The following LRRC31 variants were observed in gnomAD, a reference collection of about 807,000 sequenced individuals.
The protein encoded by LRRC31 is leucine rich repeat containing 31, also known as leucine-rich repeat-containing protein 31.
In LRRC31, 35 loss-of-function variants were observed where a neutral mutation model predicts 46.7. The observed-to-expected ratio is 0.75, with a 90% CI of 0.57 to 0.99. The LOEUF (loss-of-function observed/expected upper bound fraction) is 0.99. Ranked by LOEUF, LRRC31 falls within the 50% of genes least tolerant of loss-of-function variation. The probability of loss-of-function intolerance (pLI) is 0.00; values close to 1 mark genes in which losing one functional copy is unlikely to be tolerated. For missense variants in LRRC31, 613 were observed against 626.1 expected (o/e 0.98, Z 0.22); for synonymous variants, 236 against 235.1 (o/e 1.00, Z -0.03).
At chr3:169,864,346 C>T (rs779318870) in intron 1 of LRRC31, among the ~76,000 whole-genome samples, 6 of 152,164 alleles carry the variant, frequency 3.9e-5, no homozygotes, top group African/African-American at 9.7e-5. Flanking sequence ...AACTGACAGA[C>T]GCAGAAATCT....
intron 8 of LRRC31, among the ~76,000 whole-genome samples, chr3:169,842,260 T>C (rs1194921301): frequency 6.6e-6 from 1 of 152,174 alleles, no homozygotes; most frequent in African/African-American, 2.4e-5. Flanking sequence ...TATAAGCTAG[T>C]GATTAACAAA....
chr3:169,841,049 G>A (rs893581809), intron 8 of LRRC31, among the ~76,000 whole-genome samples: 1 of 152,194 alleles, frequency 6.6e-6, no homozygotes, highest in East Asian at 1.9e-4. Context: ...AGGGATCTTG[G>A]AAGTCTCCTT....
intron 8 of LRRC31, among the ~76,000 whole-genome samples, chr3:169,845,213 G>A (rs12696310): frequency 0.046 from 7,030 of 152,062 alleles, 402 homozygotes; most frequent in African/African-American, 0.13. Context: ...AGAAATCAAA[G>A]AGTACTTAAA....
At chr3:169,840,638 G>C (rs941981144) in intron 8 of LRRC31, among the ~76,000 whole-genome samples, 1 of 152,066 alleles carries the variant, frequency 6.6e-6, no homozygotes. Flanking sequence ...TGGCTCATTG[G>C]CTTTAACTAA....
Position 169,851,689 on chromosome 3 carries a change from T to C in LRRC31, c.1089A>G (p.Arg363=). 1 of 1,614,112 alleles carries C rather than the reference T, an allele frequency of 6.2e-7. No homozygotes were observed. The highest frequency in any genetic ancestry group is 1.1e-5 in the South Asian group (1 of 91,084). The change falls in exon 7 of 9, where the codon CGA becomes CGG. Residue 363 remains arginine (R), a synonymous_variant. Coordinates refer to ENST00000316428, the MANE Select transcript of LRRC31 (RefSeq NM_024727.4). ...SSSENLLSRL[R]FLPALKSLVI... is the part of the protein sequence containing the mutation. Reference sequence around the variant, plus strand: ...CTAATGACTTCAATGCTGGTAAAAATCGGAGCCTGCTGAGTAAGTTTTCAG... The same window carrying C: ...CTAATGACTTCAATGCTGGTAAAAACCGGAGCCTGCTGAGTAAGTTTTCAG...
chr3:169,868,608 T>C (rs377388710), intron 1 of LRRC31, among the ~76,000 whole-genome samples: 2 of 152,274 alleles, frequency 1.3e-5, no homozygotes, highest in East Asian at 1.9e-4. Context: ...CATAAATGCA[T>C]GCATATGAAA....
chr3:169,869,238 G>A (rs1452528977), intron 1 of LRRC31, among the ~76,000 whole-genome samples: 1 of 151,832 alleles, frequency 6.6e-6, no homozygotes, highest in Non-Finnish European at 1.5e-5. Context: ...GGGCATGGTG[G>A]TGCGCATCTG....
chr3:169,859,313 G>T (rs1011606296), intron 3 of LRRC31, among the ~76,000 whole-genome samples: 1 of 150,864 alleles, frequency 6.6e-6, no homozygotes, highest in South Asian at 2.1e-4. Flanking sequence ...AAAAGGCCGG[G>T]GGGGCGGGTA....
In LRRC31 at chr3:169,856,349, A is replaced by G; in HGVS notation, c.810T>C (p.Ser270=). The G allele has an allele frequency of 6.4e-7, 1 of 1,569,234 alleles. No individual in the cohort carries two copies. The highest frequency in any genetic ancestry group is 8.6e-7 in the Non-Finnish European group (1 of 1,157,978). The change falls in exon 5 of 9, where the codon AGT becomes AGC. Residue 270 remains serine, a synonymous_variant. Coordinates refer to ENST00000316428, the MANE Select transcript of LRRC31 (RefSeq NM_024727.4). ...TTGTTAACTCACCCAATATTTTGAC[A>G]CTCTTTTGTGATAATCCACATGAAT... ...KLHSCGLSQK[S]VKILDAAFRY...
intron 7 of LRRC31, among the ~76,000 whole-genome samples, chr3:169,848,657 C>T (rs925001278): frequency 1.3e-5 from 2 of 152,174 alleles, no homozygotes; most frequent in African/African-American, 2.4e-5. Context: ...CGCTGTTTCA[C>T]CATGTTGCCC....
chr3:169,854,627 C>T (rs1348606870), intron 6 of LRRC31, among the ~76,000 whole-genome samples, 186 bp downstream of exon 6: 2 of 152,210 alleles, frequency 1.3e-5, no homozygotes, highest in Non-Finnish European at 2.9e-5. Context: ...CTGAGATTCA[C>T]TAACATTTAC....
chr3:169,846,217 G>C (rs1037902761), intron 8 of LRRC31, among the ~76,000 whole-genome samples: 3 of 152,158 alleles, frequency 2.0e-5, no homozygotes, highest in Non-Finnish European at 4.4e-5. Context: ...GAAAACACAA[G>C]TTTATTTCAA....
At chr3:169,859,137 T>A (rs1258888574) in intron 3 of LRRC31, among the ~76,000 whole-genome samples, 2 of 138,714 alleles carry the variant, frequency 1.4e-5, no homozygotes, top group East Asian at 4.4e-4. Context: ...TACAAAAAAA[T>A]ACAAAAAATT....
At position 169,855,318 on chromosome 3, in the gene LRRC31, CAGT is replaced by C. The variant is rs557478555; in HGVS notation, c.824-341_824-339del. 6.1e-4 allele frequency among the ~76,000 whole-genome samples: 92 copies of C among 152,056 alleles called. 2 individuals are homozygous for C. In the South Asian group the frequency reaches 0.019, roughly 31 times the overall value. ...GTGGAACAGGGGTGGGGCCATGGTG[CAGT>C]AAGGGAGGTTGAGGGAACACACTGT... On this transcript the variant is annotated intron_variant, in intron 5 of 8. Coordinates refer to ENST00000316428, the MANE Select transcript of LRRC31 (RefSeq NM_024727.4).
intron 1 of LRRC31, among the ~76,000 whole-genome samples, chr3:169,869,430 G>T (rs1018699008): frequency 6.6e-6 from 1 of 151,916 alleles, no homozygotes; most frequent in African/African-American, 2.4e-5. Context: ...GTAACACAAA[G>T]GATAAATGCT....
At position 169,856,393 on chromosome 3, in the gene LRRC31, G is replaced by T. The variant is rs751895616; in HGVS notation, c.766C>A (p.Leu256Met). Reference sequence around the variant, plus strand: ...CATGAATGTAACTTCAGTACTTTCAGATTTGAGGTGCTTTTTAATCCCTGA... The same window carrying T: ...CATGAATGTAACTTCAGTACTTTCATATTTGAGGTGCTTTTTAATCCCTGA... ...IAQGLKSTSN[L>M]KVLKLHSCGL... The change falls in exon 5 of 9, where the codon CTG becomes ATG. Residue 256 changes from leucine to methionine, a missense_variant. Leu to Met is a conservative substitution (Grantham distance 15, BLOSUM62 2). Transcript: ENST00000316428. 12 of 1,605,854 alleles carry T rather than the reference G, an allele frequency of 7.5e-6. No homozygotes were observed. The South Asian group carries it at 1.3e-4, about 18-fold the overall frequency.
intron 3 of LRRC31, among the ~76,000 whole-genome samples, chr3:169,859,319 G>T (rs1418882459): frequency 3.4e-5 from 5 of 147,228 alleles, no homozygotes; most frequent in African/African-American, 1.2e-4. Flanking sequence ...CCGGGGGGGC[G>T]GGTAGGCACT....
chr3:169,850,637 T>C (rs1377575372), intron 7 of LRRC31, among the ~76,000 whole-genome samples: 1 of 152,240 alleles, frequency 6.6e-6, no homozygotes, highest in East Asian at 1.9e-4. Context: ...CCTCATGTAC[T>C]TAACATCTCT....
intron 8 of LRRC31, among the ~76,000 whole-genome samples, chr3:169,847,110 G>A (rs1397144673): frequency 1.3e-5 from 2 of 152,198 alleles, no homozygotes; most frequent in Non-Finnish European, 2.9e-5. Flanking sequence ...AAGGCTAGAT[G>A]GGAGCCAGAG....
Sources: allele counts gnomAD v4.1 joint callset (sites outside exome capture counted in the v4.1 genomes callset), GRCh38; gene constraint gnomAD v4.1.1; transcripts MANE v1.5; gene names NCBI Gene and HGNC (gene_info 2026-07-23, HGNC 2026-07-21).